The following UGT1A7 variants were observed in gnomAD, a reference collection of about 807,000 sequenced individuals.
UGT1A7 encodes UDP glucuronosyltransferase family 1 member A7, also known as UDP-glucuronosyltransferase 1A7.
A neutral mutation model predicts 45.6 loss-of-function variants in UGT1A7; 33 were observed. The ratio of observed to expected loss-of-function variants is 0.72; its 90% CI spans 0.55 to 0.97. UGT1A7 has a LOEUF of 0.97. Among genes scored for constraint, UGT1A7 ranks in the 50% least tolerant of loss-of-function variants. The pLI is 0.00. For missense variants in UGT1A7, 684 were observed against 666.2 expected, an observed-to-expected ratio of 1.03 and a Z score of -0.29; for synonymous variants, 274 against 250.6, an observed-to-expected ratio of 1.09 and a Z score of -0.88.
At chr2:233,734,641 G>T (rs777455810) in intron 1 of UGT1A7, among the ~76,000 whole-genome samples, 1 of 152,096 alleles carries the variant, frequency 6.6e-6, no homozygotes, top group East Asian at 1.9e-4. Context: ...GCTTTCTCCT[G>T]TGGGGATTTA....
intron 1 of UGT1A7, among the ~76,000 whole-genome samples, chr2:233,707,245 T>C (rs1430790978): frequency 6.6e-6 from 1 of 152,158 alleles, no homozygotes. Flanking sequence ...ATTTCTCTTG[T>C]GTTTTTCTTC....
intron 1 of UGT1A7, among the ~76,000 whole-genome samples, chr2:233,746,084 A>T (rs555344502): frequency 1.2e-4 from 18 of 151,976 alleles, no homozygotes; most frequent in Admixed American, 1.2e-3. Context: ...AGTCACTTCT[A>T]TACAGAAACA....
intron 1 of UGT1A7, chr2:233,755,391 C>A: frequency 2.9e-6 from 1 of 343,030 alleles, no homozygotes; most frequent in Non-Finnish European, 5.7e-6. Context: ...TATGACGCAG[C>A]CACATCTCAT....
chr2:233,721,672 C>T, intron 1 of UGT1A7: 1 of 278,988 alleles, frequency 3.6e-6, no homozygotes, highest in South Asian at 3.5e-5. Context: ...AGGGTTAATC[C>T]AATAATGAGC....
chr2:233,760,180 T>A, intron 1 of UGT1A7: 1 of 1,548,272 alleles, frequency 6.5e-7, no homozygotes, highest in Non-Finnish European at 8.7e-7. Context: ...GACAGCTTTT[T>A]ATAGTCACGT....
intron 1 of UGT1A7, among the ~76,000 whole-genome samples, chr2:233,761,453 G>A (rs1414983430): frequency 2.6e-5 from 4 of 152,196 alleles, no homozygotes. Flanking sequence ...GCTGGGTTTG[G>A]GGCACCCTGC....
Position 233,760,610 on chromosome 2 carries a change from G to A in UGT1A7, c.856-6424G>A. 5 of 1,614,182 alleles carry A rather than the reference G, an allele frequency of 3.1e-6. No homozygotes were observed. Among genetic ancestry groups the A allele is most frequent in the Non-Finnish European group, 3.4e-6 (4 of 1,180,034 alleles). The stretch of plus-strand genomic sequence containing the variant: ...TTTGAGAATGATTCTTTCCTGCAGC[G>A]TGTGATCAAAACATACAAGAAAATA... On this transcript the variant is annotated intron_variant, in intron 1 of 4. Coordinates refer to ENST00000373426, the MANE Select transcript of UGT1A7 (RefSeq NM_019077.3).
Position 233,769,697 on chromosome 2 carries a change from A to G in UGT1A7, c.1295+1258A>G. 6.5e-7 allele frequency: 1 copy of G among 1,535,580 alleles called. No individual in the cohort carries two copies. Among genetic ancestry groups the G allele is most frequent in the South Asian group, 1.2e-5 (1 of 80,726 alleles). On this transcript the variant is annotated intron_variant, in intron 4 of 4. Coordinates refer to ENST00000373426, the MANE Select transcript of UGT1A7 (RefSeq NM_019077.3). This position sits in a 1 kb window ranked among gnomAD's most constrained non-coding sequence, Gnocchi z 4.4. ...TGTGTGTGTGGTGGCACTGGATAAAAGATCAATGTTGGCTAGGCACCATGG... is the reference window on the plus strand; with the variant it reads ...TGTGTGTGTGGTGGCACTGGATAAAGGATCAATGTTGGCTAGGCACCATGG...
At chr2:233,724,343 C>A (rs2077229660) in intron 1 of UGT1A7, among the ~76,000 whole-genome samples, 1 of 142,888 alleles carries the variant, frequency 7.0e-6, no homozygotes, top group Admixed American at 6.9e-5. Context: ...GGGGCTGACC[C>A]CCCCCACCTC....
chr2:233,763,863 G>A (rs1486150283), intron 1 of UGT1A7, among the ~76,000 whole-genome samples: 2 of 152,132 alleles, frequency 1.3e-5, no homozygotes, highest in Non-Finnish European at 1.5e-5. Flanking sequence ...ACAGACAATC[G>A]CAATGCTGGG....
chr2:233,739,515 T>C (rs1354597011), intron 1 of UGT1A7, among the ~76,000 whole-genome samples: 1 of 152,234 alleles, frequency 6.6e-6, no homozygotes, highest in Non-Finnish European at 1.5e-5. Context: ...ATGTGAGACA[T>C]GAAGTCAAGG....
rs77053267 is a variant in UGT1A7, at chr2:233,743,791, C to T, written c.856-23243C>T. 1,068 of 1,367,342 alleles carry T rather than the reference C, an allele frequency of 7.8e-4. 34 individuals are homozygous for T. In the African/African-American group the frequency reaches 0.014, roughly 18 times the overall value. The allele number at this position is 1,367,342 out of a possible 1,614,324, so 84.7% of individuals were successfully genotyped here. On this transcript the variant is annotated intron_variant, in intron 1 of 4. Coordinates refer to ENST00000373426, the MANE Select transcript of UGT1A7 (RefSeq NM_019077.3). The stretch of plus-strand genomic sequence containing the variant: ...CGGCCACCTGCTTGAATCTCCTCTC[C>T]GCTTCCTCCTTGTTCTCAGGGTTTT...
At chr2:233,735,872 G>A (rs1314533195) in intron 1 of UGT1A7, among the ~76,000 whole-genome samples, 1 of 152,196 alleles carries the variant, frequency 6.6e-6, no homozygotes, top group African/African-American at 2.4e-5. Context: ...TTTCTGCAGA[G>A]AGATCTGCTG....
chr2:233,741,653 G>T (rs1248296818), intron 1 of UGT1A7: 1 of 151,908 alleles, frequency 6.6e-6, no homozygotes, highest in African/African-American at 2.4e-5. Flanking sequence ...CCAGCTGACT[G>T]CCATGTTCCT....
intron 1 of UGT1A7, chr2:233,729,155 C>G (rs754518469): frequency 1.9e-6 from 3 of 1,613,596 alleles, no homozygotes; most frequent in South Asian, 1.1e-5. Context: ...GTTCCCCTGC[C>G]GTGGCTGGCC....
chr2:233,755,241 A>G (rs535521102), intron 1 of UGT1A7: 33 of 865,204 alleles, frequency 3.8e-5, no homozygotes, highest in Non-Finnish European at 5.6e-5. Context: ...CTACCGGGGT[A>G]CTCCCAGCAC....
At chr2:233,721,475 C>T (rs1272285842) in intron 1 of UGT1A7, 9 of 174,082 alleles carry the variant, frequency 5.2e-5, no homozygotes, top group Admixed American at 4.3e-4. Context: ...TATCTGTTAT[C>T]ATTCTTATTA....
chr2:233,688,694 G>A (rs997687629), intron 1 of UGT1A7, among the ~76,000 whole-genome samples: 3 of 152,096 alleles, frequency 2.0e-5, no homozygotes, highest in Non-Finnish European at 2.9e-5. Flanking sequence ...AATATTAAAC[G>A]TCCTTCATTG....
At position 233,769,829 on chromosome 2, in the gene UGT1A7, A is replaced by C; in HGVS notation, c.1295+1390A>C. 1.4e-6 allele frequency: 1 copy of C among 707,246 alleles called. No homozygotes were observed. Among genetic ancestry groups the C allele is most frequent in the East Asian group, 3.2e-5 (1 of 31,212 alleles). The allele number at this position is 707,246 out of a possible 1,614,324, so 43.8% of individuals were successfully genotyped here. On this transcript the variant is annotated intron_variant, in intron 4 of 4. Transcript: ENST00000373426. This position sits in a 1 kb window ranked among gnomAD's most constrained non-coding sequence, Gnocchi z 4.4. ...GTGATCATGCCACTGCACTCCAGCA[A>C]CCTGGGCAACAGAGTGAGACCCTGT...
Sources: gnomAD v4.1 joint callset for allele counts (sites outside exome capture counted in the v4.1 genomes callset) on GRCh38, gnomAD v4.1.1 for gene constraint, Gnocchi (gnomAD v3.1) non-coding constraint, MANE v1.5 for transcripts, NCBI Gene and HGNC (gene_info 2026-07-23, HGNC 2026-07-21) for gene names.